The following MYT1L variants were observed in gnomAD, a reference collection of about 807,000 sequenced individuals.
MYT1L encodes the protein myelin transcription factor 1 like, also known as myelin transcription factor 1-like protein.
A neutral mutation model predicts 126.7 loss-of-function variants in MYT1L; 12 were observed. That is an observed-to-expected ratio of 0.09 (90% CI 0.06 to 0.15). The LOEUF (loss-of-function observed/expected upper bound fraction) is 0.15, where lower values mean the gene tolerates loss of function less well. MYT1L is among the 10% of genes least tolerant of loss of function. The pLI is 1.00. For synonymous variants in MYT1L, 541 were observed against 604.2 expected (o/e 0.90, Z 1.53); for missense variants, 979 against 1,585.2 (o/e 0.62, Z 6.49).
intron 3 of MYT1L, among the ~76,000 whole-genome samples, chr2:2,073,999 T>C (rs2150255475): frequency 6.6e-6 from 1 of 152,308 alleles, no homozygotes; most frequent in South Asian, 2.1e-4. Context: ...GCCCTGTATA[T>C]GGTCATTTTA....
chr2:1,956,324 T>G lies in MYT1L; in HGVS notation c.153-12990A>C, dbSNP rs936783323. Among the ~76,000 whole-genome samples the G allele has an allele frequency of 2.7e-5, 4 of 150,124 alleles. 1 individual carries two copies. The highest frequency in any genetic ancestry group is 5.0e-5 in the African/African-American group (2 of 40,004). On this transcript the variant is annotated intron_variant, in intron 8 of 24. Transcript: ENST00000647738. Reference sequence around the variant, plus strand: ...CCTATTCTATATTTCCTATTCTATGTGTCCTATTCTATATTTCCTATTCTA... The same window carrying G: ...CCTATTCTATATTTCCTATTCTATGGGTCCTATTCTATATTTCCTATTCTA...
At chr2:2,288,432 T>A (rs1369142745) in intron 1 of MYT1L, among the ~76,000 whole-genome samples, 1 of 152,248 alleles carries the variant, frequency 6.6e-6, no homozygotes, top group African/African-American at 2.4e-5. Flanking sequence ...TTTCTCATTA[T>A]CTGGGTCCTC....
At chr2:1,804,963 C>A (rs1461094302) in intron 22 of MYT1L, among the ~76,000 whole-genome samples, 2 of 152,292 alleles carry the variant, frequency 1.3e-5, no homozygotes, top group Admixed American at 6.5e-5. Context: ...GCCCCCACTA[C>A]CCGCCAAAAA....
At chr2:2,204,653 C>T (rs2093238458) in intron 2 of MYT1L, among the ~76,000 whole-genome samples, 1 of 150,756 alleles carries the variant, frequency 6.6e-6, no homozygotes, top group South Asian at 2.1e-4. Flanking sequence ...AACACTTTTA[C>T]ACTGTTGGTG....
intron 1 of MYT1L, among the ~76,000 whole-genome samples, chr2:2,291,400 C>T (rs1025967615): frequency 5.9e-5 from 9 of 152,188 alleles, no homozygotes; most frequent in African/African-American, 1.9e-4. Flanking sequence ...CCCATGCCTG[C>T]CCATGACTTC....
chr2:1,915,695 G>GT (rs2052721597), intron 11 of MYT1L, among the ~76,000 whole-genome samples: 1 of 152,204 alleles, frequency 6.6e-6, no homozygotes, highest in African/African-American at 2.4e-5. Context: ...CCAAACCCAG[G>GT]TTTCAGAGGA....
intron 3 of MYT1L, among the ~76,000 whole-genome samples, chr2:2,165,574 T>C (rs1575595834): frequency 6.6e-6 from 1 of 152,196 alleles, no homozygotes. Context: ...TCCCCAACTG[T>C]CCATATGTCC....
intron 5 of MYT1L, among the ~76,000 whole-genome samples, chr2:1,981,754 T>C (rs1414041717): frequency 6.6e-6 from 1 of 152,086 alleles, no homozygotes; most frequent in Non-Finnish European, 1.5e-5. Flanking sequence ...AGAGAGGGCA[T>C]GGAGGGGGCA....
At chr2:2,244,347 T>C (rs2094492896) in intron 2 of MYT1L, among the ~76,000 whole-genome samples, 1 of 152,210 alleles carries the variant, frequency 6.6e-6, no homozygotes, top group African/African-American at 2.4e-5. Context: ...TTGATGGACT[T>C]ATGAGAAGGG....
rs573711350 is a variant in MYT1L at position 2,312,602 on chromosome 2, G to A, written c.-521+18365C>T. Among the ~76,000 whole-genome samples the A allele has an allele frequency of 7.9e-5, 12 of 151,704 alleles. No individual in the cohort carries two copies. The South Asian group carries it at 2.5e-3, about 32-fold the overall frequency. On this transcript the variant is annotated intron_variant, in intron 1 of 24. Transcript: ENST00000647738. ...CACTCCAGCCTGGGTGACAGAGTGA[G>A]AAAAAAAAGAATATAACACTTCTGA...
At chr2:1,820,350 C>T (rs6755207) in intron 21 of MYT1L, among the ~76,000 whole-genome samples, 21,624 of 151,896 alleles carry the variant, frequency 0.14, 2,324 homozygotes, top group African/African-American at 0.3. Flanking sequence ...TCTGTTTGTC[C>T]CTCTCTTTCT....
intron 1 of MYT1L, among the ~76,000 whole-genome samples, chr2:2,295,651 G>C (rs12992473): frequency 3.7e-5 from 5 of 135,368 alleles, no homozygotes; most frequent in East Asian, 2.4e-4. Context: ...GAGAGATAGA[G>C]AGACAGACAG....
chr2:2,293,399 A>AT (rs886499963), intron 1 of MYT1L, among the ~76,000 whole-genome samples: 1 of 152,180 alleles, frequency 6.6e-6, no homozygotes, highest in African/African-American at 2.4e-5. Flanking sequence ...CTCATTCCCC[A>AT]TTCCCCCACG....
At chr2:2,009,723 G>A (rs906661371) in intron 4 of MYT1L, among the ~76,000 whole-genome samples, 1 of 152,084 alleles carries the variant, frequency 6.6e-6, no homozygotes, top group Admixed American at 6.6e-5. Flanking sequence ...GACTGCTCTT[G>A]TTAGTACTTC....
intron 19 of MYT1L, among the ~76,000 whole-genome samples, chr2:1,850,586 T>G (rs1042644067): frequency 6.6e-6 from 1 of 152,198 alleles, no homozygotes; most frequent in Non-Finnish European, 1.5e-5. Context: ...AAACTTTAGT[T>G]GAGCTCCTCT....
At chr2:2,080,132 A>C (rs2150309383) in intron 3 of MYT1L, among the ~76,000 whole-genome samples, 1 of 152,224 alleles carries the variant, frequency 6.6e-6, no homozygotes, top group East Asian at 1.9e-4. Flanking sequence ...CAAATGAATA[A>C]AGTTGGACAG....
intron 21 of MYT1L, among the ~76,000 whole-genome samples, chr2:1,821,439 C>A (rs1254791475): frequency 6.6e-6 from 1 of 151,970 alleles, no homozygotes; most frequent in African/African-American, 2.4e-5. Flanking sequence ...TATTCGTGTT[C>A]TCTGAATGTT....
intron 18 of MYT1L, among the ~76,000 whole-genome samples, chr2:1,859,814 C>G (rs937695727): frequency 6.6e-6 from 1 of 152,224 alleles, no homozygotes; most frequent in East Asian, 1.9e-4. Context: ...GGAGGACGCA[C>G]GCATGCTGCC....
At chr2:1,869,653 C>A (rs13425445) in intron 18 of MYT1L, among the ~76,000 whole-genome samples, 1 of 152,178 alleles carries the variant, frequency 6.6e-6, no homozygotes, top group African/African-American at 2.4e-5. Flanking sequence ...TCTGTGGTAT[C>A]TAGTGATTAC....
Sources: gnomAD v4.1 joint callset for allele counts (sites outside exome capture counted in the v4.1 genomes callset) on GRCh38, gnomAD v4.1.1 for gene constraint, MANE v1.5 for transcripts, NCBI Gene and HGNC (gene_info 2026-07-23, HGNC 2026-07-21) for gene names.